RAC1: variants seen among roughly 807,000 people sequenced by gnomAD.
RAC1 encodes Rac family small GTPase 1.
RAC1 carries 2 observed loss-of-function variants against 25.2 expected under a neutral mutation model. The observed-to-expected ratio is 0.08, with a 90% confidence interval of 0.03 to 0.25. The LOEUF (loss-of-function observed/expected upper bound fraction) is 0.25, where lower values mean the gene tolerates loss of function less well. Ranked by LOEUF, RAC1 falls within the 10% of genes least tolerant of loss-of-function variation. RAC1 has a pLI of 1.00. For missense variants in RAC1, 50 were observed against 235.7 expected (o/e 0.21, Z 5.16); for synonymous variants, 88 against 94.0 (o/e 0.94, Z 0.37).
intron 5 of RAC1, 91 bp downstream of exon 5, chr7:6,402,118 C>A: frequency 1.3e-6 from 2 of 1,487,340 alleles, no homozygotes; most frequent in Non-Finnish European, 1.8e-6. Flanking sequence ...GGGTGTGTGT[C>A]TCCCACTCAG....
intron 2 of RAC1, 81 bp from the exon 3 acceptor site, chr7:6,391,843 T>C (rs1783101385): frequency 2.5e-6 from 4 of 1,600,152 alleles, no homozygotes; most frequent in Admixed American, 3.4e-5. Context: ...AGCCTTTTTC[T>C]TGGCACACCT....
chr7:6,390,079 G>T (rs1440101920), intron 2 of RAC1, among the ~76,000 whole-genome samples: 27 of 66,018 alleles, frequency 4.1e-4, no homozygotes, highest in African/African-American at 7.5e-4. Flanking sequence ...TCCCTCCCTT[G>T]CTCCCTCCCT....
At chr7:6,401,357 A>G (rs538637673) in intron 4 of RAC1, among the ~76,000 whole-genome samples, 1 of 152,266 alleles carries the variant, frequency 6.6e-6, no homozygotes, top group South Asian at 2.1e-4. Context: ...AATAACGACC[A>G]TTTCTTTCTA....
chr7:6,402,179 C>G (rs1028591164), intron 5 of RAC1, 137 bp from the exon 6 acceptor site: 4 of 1,454,266 alleles, frequency 2.8e-6, no homozygotes, highest in Non-Finnish European at 3.7e-6. Flanking sequence ...TGGGTCTTAA[C>G]GTCAGCGTTG....
intron 2 of RAC1, among the ~76,000 whole-genome samples, chr7:6,390,657 C>G (rs1783068193): frequency 6.6e-6 from 1 of 151,586 alleles, no homozygotes; most frequent in Admixed American, 6.6e-5. Flanking sequence ...GTATGTTGTA[C>G]TTAGAAAGGC....
intron 2 of RAC1, among the ~76,000 whole-genome samples, chr7:6,390,493 A>G (rs970727612): frequency 2.0e-5 from 3 of 151,794 alleles, no homozygotes; most frequent in African/African-American, 7.2e-5. Context: ...CCAGCTCCTC[A>G]GGAGGCTGAG....
At position 6,402,362 on chromosome 7, in the gene RAC1, C is replaced by T. The variant is rs61753123; in HGVS notation, c.495C>T (p.Leu165=). The T allele has an allele frequency of 6.2e-7, 1 of 1,612,270 alleles. No individual in the cohort carries two copies. Among genetic ancestry groups the T allele is most frequent in the Non-Finnish European group, 8.5e-7 (1 of 1,179,674 alleles). Residue 165 remains leucine (L), a synonymous_variant, in exon 6 of 6, where the codon CTC becomes CTT. Coordinates refer to ENST00000348035, the MANE Select transcript of RAC1 (RefSeq NM_006908.5). ...LECSALTQRG[L]KTVFDEAIRA... ...GCTCGGCGCTCACACAGCGAGGCCT[C>T]AAGACAGTGTTTGACGAAGCGATCC...
At chr7:6,375,152 C>G (rs1278803184) in intron 1 of RAC1, among the ~76,000 whole-genome samples, 2 of 152,050 alleles carry the variant, frequency 1.3e-5, no homozygotes, top group African/African-American at 4.8e-5. Flanking sequence ...ATGAACCTCT[C>G]GATCCCCTTT....
intron 3 of RAC1, among the ~76,000 whole-genome samples, chr7:6,396,473 C>T (rs1315994195): frequency 6.6e-6 from 1 of 152,188 alleles, no homozygotes; most frequent in East Asian, 1.9e-4. Flanking sequence ...GCACGAACGC[C>T]GGGTGGAAAG....
intron 1 of RAC1, among the ~76,000 whole-genome samples, chr7:6,378,470 C>T (rs989370098): frequency 6.6e-5 from 10 of 151,626 alleles, no homozygotes; most frequent in African/African-American, 9.7e-5. Context: ...CACTTGAACC[C>T]GGAAGGCGGA....
At chr7:6,395,008 C>G (rs1370762173) in intron 3 of RAC1, among the ~76,000 whole-genome samples, 1 of 152,206 alleles carries the variant, frequency 6.6e-6, no homozygotes, top group Non-Finnish European at 1.5e-5. Context: ...GCGCCCGCCA[C>G]CACACCTGAC....
Position 6,402,362 on chromosome 7 carries a change from C to G in RAC1, c.495C>G (p.Leu165=), listed in dbSNP as rs61753123. 4,361 of 1,612,264 alleles carry G rather than the reference C, an allele frequency of 2.7e-3. 9 individuals are homozygous for G. The highest frequency in any genetic ancestry group is 3.4e-3 in the Non-Finnish European group (3,980 of 1,179,668). The change falls in exon 6 of 6, where the codon CTC becomes CTG. Residue 165 remains leucine (L), a synonymous_variant. Coordinates refer to ENST00000348035, the MANE Select transcript of RAC1 (RefSeq NM_006908.5). Reference sequence around the variant, plus strand: ...GCTCGGCGCTCACACAGCGAGGCCTCAAGACAGTGTTTGACGAAGCGATCC... The same window carrying G: ...GCTCGGCGCTCACACAGCGAGGCCTGAAGACAGTGTTTGACGAAGCGATCC... ...LECSALTQRG[L]KTVFDEAIRA...
chr7:6,383,983 A>G (rs1782850962), intron 1 of RAC1, among the ~76,000 whole-genome samples: 1 of 151,000 alleles, frequency 6.6e-6, no homozygotes, highest in African/African-American at 2.4e-5. Flanking sequence ...TTTAGTAGAG[A>G]GGGGTTTCTC....
At chr7:6,396,923 G>C (rs184482140) in intron 3 of RAC1, among the ~76,000 whole-genome samples, 1 of 151,986 alleles carries the variant, frequency 6.6e-6, no homozygotes, top group Non-Finnish European at 1.5e-5. Context: ...CCAGCTACTC[G>C]GGAGGCTGAG....
chr7:6,390,302 T>C (rs568768572), intron 2 of RAC1, among the ~76,000 whole-genome samples: 52 of 151,886 alleles, frequency 3.4e-4, no homozygotes, highest in African/African-American at 1.2e-3. Context: ...TAGCATTTAA[T>C]GTAAATAATA....
chr7:6,393,278 T>G (rs990239276), intron 3 of RAC1, among the ~76,000 whole-genome samples: 37 of 152,210 alleles, frequency 2.4e-4, no homozygotes, highest in African/African-American at 8.7e-4. Flanking sequence ...TTCAAATTCT[T>G]CAGTATCTTA....
chr7:6,377,368 T>C (rs527608321), intron 1 of RAC1, among the ~76,000 whole-genome samples: 10 of 151,418 alleles, frequency 6.6e-5, no homozygotes, highest in Non-Finnish European at 1.2e-4. Flanking sequence ...CCAAGGTGGG[T>C]GGATCACTAG....
At chr7:6,383,830 T>C (rs1257639820) in intron 1 of RAC1, among the ~76,000 whole-genome samples, 1 of 128,668 alleles carries the variant, frequency 7.8e-6, no homozygotes, top group African/African-American at 3.1e-5. Flanking sequence ...GAGACGGAGT[T>C]TTGCTCTTGT....
At chr7:6,392,839 G>T (rs921016614) in intron 3 of RAC1, among the ~76,000 whole-genome samples, 6 of 152,212 alleles carry the variant, frequency 3.9e-5, no homozygotes, top group African/African-American at 1.4e-4. Flanking sequence ...TCCTAGCTCT[G>T]TGACTTCAGG....
Sources: allele counts gnomAD v4.1 joint callset (sites outside exome capture counted in the v4.1 genomes callset), GRCh38; gene constraint gnomAD v4.1.1; transcripts MANE v1.5; gene names NCBI Gene and HGNC (gene_info 2026-07-23, HGNC 2026-07-21).